EPB41L5: variants seen among roughly 807,000 people sequenced by gnomAD.
EPB41L5 encodes the protein erythrocyte membrane protein band 4.1 like 5, also known as band 4.1-like protein 5.
Under a neutral mutation model 106.6 loss-of-function variants are expected in EPB41L5, and 55 were observed. The ratio of observed to expected loss-of-function variants is 0.52; its 90% CI spans 0.42 to 0.65. The LOEUF (loss-of-function observed/expected upper bound fraction) is 0.65. EPB41L5 is among the 30% of genes least tolerant of loss of function. EPB41L5 has a pLI of 0.00. For missense variants in EPB41L5, 871 were observed against 882.1 expected (o/e 0.99, Z 0.16); for synonymous variants, 297 against 306.7 (o/e 0.97, Z 0.33).
chr2:120,146,670 GTT>G (rs1686421020), intron 20 of EPB41L5, among the ~76,000 whole-genome samples: 1 of 152,190 alleles, frequency 6.6e-6, no homozygotes, highest in South Asian at 2.1e-4. Context: ...CAGTAATGTA[GTT>G]AACTTTCTTT....
chr2:120,016,410 A>G (rs749824140), intron 1 of EPB41L5, among the ~76,000 whole-genome samples: 52 of 151,876 alleles, frequency 3.4e-4, no homozygotes, highest in Non-Finnish European at 7.2e-4. Flanking sequence ...AACCTGGGGG[A>G]CTAGGTTGAG....
At chr2:120,170,043 G>A (rs1469666193) in intron 24 of EPB41L5, among the ~76,000 whole-genome samples, 6 of 152,154 alleles carry the variant, frequency 3.9e-5, no homozygotes, top group Non-Finnish European at 8.8e-5. Context: ...ATGGAACTGT[G>A]AATATATGTC....
At chr2:120,165,237 CGTAAGAATGGCATT>C (rs1553516240) in intron 22 of EPB41L5, among the ~76,000 whole-genome samples, 7 of 152,022 alleles carry the variant, frequency 4.6e-5, no homozygotes, top group Non-Finnish European at 2.9e-5. Flanking sequence ...AAGATGAGAG[CGTAAGAATGGCATT>C]GAACATATCA....
At chr2:120,151,169 G>C (rs887286323) in intron 20 of EPB41L5, among the ~76,000 whole-genome samples, 3 of 151,964 alleles carry the variant, frequency 2.0e-5, no homozygotes, top group African/African-American at 7.2e-5. Context: ...AAAATTAGCC[G>C]GGTGCCTGTA....
At chr2:120,047,273 T>C (rs1177982277) in intron 3 of EPB41L5, among the ~76,000 whole-genome samples, 2 of 152,242 alleles carry the variant, frequency 1.3e-5, no homozygotes, top group African/African-American at 4.8e-5. Context: ...TTTCACGATA[T>C]TGATTCTTCC....
rs530084500 is a variant in EPB41L5, at chr2:120,116,195, C to T, written c.1338-11493C>T. On this transcript the variant is annotated intron_variant, in intron 16 of 24. Transcript: ENST00000263713. ...ATTTAATGTCAGTAGTACATGTAAA[C>T]TTTGCTTCTATAGAGCTTTGTCTCC... Among the ~76,000 whole-genome samples the T allele has an allele frequency of 9.9e-5, 15 of 152,276 alleles. No individual in the cohort carries two copies. In the East Asian group the frequency reaches 2.9e-3, roughly 29 times the overall value.
At chr2:120,150,009 G>C (rs938670824) in intron 20 of EPB41L5, among the ~76,000 whole-genome samples, 1 of 150,382 alleles carries the variant, frequency 6.6e-6, no homozygotes, top group Non-Finnish European at 1.5e-5. Context: ...CCTCCCACCT[G>C]AGCTTCCTTA....
chr2:120,162,096 C>T (rs937249483), intron 21 of EPB41L5, among the ~76,000 whole-genome samples: 1 of 152,204 alleles, frequency 6.6e-6, no homozygotes, highest in African/African-American at 2.4e-5. Flanking sequence ...TCGCAAAGTG[C>T]TGGGATTATA....
At chr2:120,168,575 A>C (rs1687523467) in intron 24 of EPB41L5, among the ~76,000 whole-genome samples, 1 of 152,200 alleles carries the variant, frequency 6.6e-6, no homozygotes, top group Non-Finnish European at 1.5e-5. Context: ...AAGATTTAGA[A>C]TTGCCTTCAC....
chr2:120,084,939 G>A (rs1322039047), intron 10 of EPB41L5, among the ~76,000 whole-genome samples: 1 of 152,116 alleles, frequency 6.6e-6, no homozygotes, highest in Non-Finnish European at 1.5e-5. Flanking sequence ...GCTTGTGCAT[G>A]CATCACGTCG....
intron 22 of EPB41L5, among the ~76,000 whole-genome samples, chr2:120,166,410 G>A (rs17050015): frequency 0.64 from 96,727 of 151,470 alleles, 32,164 homozygotes; most frequent in Middle Eastern, 0.74. Flanking sequence ...CTTATTTCCT[G>A]CTGTTAACAT....
In EPB41L5 at chr2:120,087,158, T is replaced by C. The variant is rs1297348653; in HGVS notation, c.804-13T>C. ...GTTTGTAATTTGGCTTTTATTCTCTTATTATATTATAGGCCGAAGATAACC... is the reference window on the plus strand; with the variant it reads ...GTTTGTAATTTGGCTTTTATTCTCTCATTATATTATAGGCCGAAGATAACC... On this transcript the variant is annotated splice_polypyrimidine_tract_variant and intron_variant, in intron 10 of 24. Coordinates refer to ENST00000263713, the MANE Select transcript of EPB41L5 (RefSeq NM_020909.4). 1 of 1,505,718 alleles carries C rather than the reference T, an allele frequency of 6.6e-7. No individual in the cohort carries two copies. The highest frequency in any genetic ancestry group is 2.3e-5 in the East Asian group (1 of 44,224). 93.3% of individuals were successfully genotyped at this position (1,505,718 alleles called of 1,614,324 possible). A position where few individuals can be genotyped will look rare whatever the true frequency, so the allele number is the denominator to read the frequency against.
intron 3 of EPB41L5, among the ~76,000 whole-genome samples, chr2:120,061,944 T>C (rs373971500): frequency 1.3e-5 from 2 of 152,198 alleles, no homozygotes; most frequent in South Asian, 2.1e-4. Flanking sequence ...CTGTGGAGAA[T>C]AGAGCTGGTA....
chr2:120,174,352 A>G (rs1262055607), intron 24 of EPB41L5, among the ~76,000 whole-genome samples: 1 of 152,060 alleles, frequency 6.6e-6, no homozygotes, highest in Non-Finnish European at 1.5e-5. Flanking sequence ...AGCTACTTCT[A>G]CTTTTGGGAG....
At chr2:120,168,230 A>G (rs1344722639) in intron 24 of EPB41L5, among the ~76,000 whole-genome samples, 1 of 152,218 alleles carries the variant, frequency 6.6e-6, no homozygotes, top group Non-Finnish European at 1.5e-5. Context: ...AGTCTTTGCT[A>G]AAGATGTTAA....
intron 22 of EPB41L5, 27 bp downstream of exon 22, chr2:120,164,937 G>GGAAA: frequency 1.3e-6 from 2 of 1,510,400 alleles, no homozygotes; most frequent in Non-Finnish European, 1.8e-6. Flanking sequence ...ATAGTATGAT[G>GGAAA]GAAAGAAATT....
At position 120,143,094 on chromosome 2, in the gene EPB41L5, G is replaced by C; in HGVS notation, c.1691G>C (p.Ser564Thr). The part of the protein sequence containing the change: ...NVMRVPPDFK[S>T]NILKAQVEAV... ...ATGAGAGTTCCTCCTGACTTCAAGA[G>C]TAACATTTTGAAGGCTCAAGTAGAA... Residue 564 changes from serine to threonine, a missense_variant, in exon 19 of 25, where the codon AGT (serine) becomes ACT (threonine). Coordinates refer to ENST00000263713, the MANE Select transcript of EPB41L5 (RefSeq NM_020909.4). 6.2e-7 allele frequency: 1 copy of C among 1,608,138 alleles called. No individual in the cohort carries two copies.
chr2:120,133,966 G>A (rs545068480), intron 18 of EPB41L5, among the ~76,000 whole-genome samples: 1 of 152,178 alleles, frequency 6.6e-6, no homozygotes, highest in Non-Finnish European at 1.5e-5. Flanking sequence ...TCCATTTCAG[G>A]CCCCACCTCC....
At chr2:120,057,205 G>A (rs1680716196) in intron 3 of EPB41L5, among the ~76,000 whole-genome samples, 1 of 152,092 alleles carries the variant, frequency 6.6e-6, no homozygotes, top group South Asian at 2.1e-4. Flanking sequence ...TTCTCTAAAG[G>A]CCACTTTAGA....
Sources: allele counts gnomAD v4.1 joint callset (sites outside exome capture counted in the v4.1 genomes callset), GRCh38; gene constraint gnomAD v4.1.1; transcripts MANE v1.5; gene names NCBI Gene and HGNC (gene_info 2026-07-23, HGNC 2026-07-21).